Variants in PRIM2 observed in about 807,000 individuals in gnomAD.
PRIM2 encodes the protein DNA primase large subunit.
In PRIM2, 39 loss-of-function variants were observed where a neutral mutation model predicts 67.3. The ratio of observed to expected loss-of-function variants is 0.58; its 90% CI spans 0.45 to 0.76. The LOEUF (loss-of-function observed/expected upper bound fraction) is 0.76, where lower values mean the gene tolerates loss of function less well. PRIM2 is among the 30% of genes least tolerant of loss of function. PRIM2 has a pLI of 0.00. For synonymous variants in PRIM2, 143 were observed against 198.7 expected (o/e 0.72, Z 2.36); for missense variants, 398 against 598.7 (o/e 0.66, Z 3.50).
intron 7 of PRIM2, among the ~76,000 whole-genome samples, chr6:57,452,446 T>C (rs1450394531): frequency 6.6e-6 from 1 of 152,230 alleles, no homozygotes; most frequent in Non-Finnish European, 1.5e-5. Flanking sequence ...CCAGCATCTG[T>C]TGTCTCCTGA....
At chr6:57,345,474 A>ATGTGTGTGTGTGTGTGTGTGTG (rs754685184) in intron 5 of PRIM2, among the ~76,000 whole-genome samples, 4 of 124,592 alleles carry the variant, frequency 3.2e-5, no homozygotes, top group African/African-American at 1.3e-4. Flanking sequence ...ATATATATAT[A>ATGTGTGTGTGTGTGTGTGTGTG]TGTGTGTGTG....
At chr6:57,626,026 T>C (rs1776944047) in intron 12 of PRIM2, among the ~76,000 whole-genome samples, 2 of 152,246 alleles carry the variant, frequency 1.3e-5, no homozygotes, top group African/African-American at 2.4e-5. Flanking sequence ...TTTTGAAAGA[T>C]TGAGTTTTTT....
chr6:57,393,498 G>A (rs1012093190), intron 7 of PRIM2, among the ~76,000 whole-genome samples: 2 of 151,962 alleles, frequency 1.3e-5, no homozygotes, highest in Non-Finnish European at 2.9e-5. Context: ...CTTTTTGATG[G>A]AATTGTTTGT....
intron 5 of PRIM2, among the ~76,000 whole-genome samples, chr6:57,368,764 T>TG (rs1769451758): frequency 6.6e-6 from 1 of 152,216 alleles, no homozygotes; most frequent in African/African-American, 2.4e-5. Flanking sequence ...CAATGTGTGA[T>TG]GCAAAGATGA....
At chr6:57,529,289 G>A (rs1409798178) in intron 8 of PRIM2, among the ~76,000 whole-genome samples, 6 of 150,776 alleles carry the variant, frequency 4.0e-5, no homozygotes, top group African/African-American at 1.2e-4. Context: ...CAGCCTGGGC[G>A]ACAGACAGAG....
chr6:57,374,891 G>A (rs1191620480), intron 5 of PRIM2, among the ~76,000 whole-genome samples: 1 of 152,258 alleles, frequency 6.6e-6, no homozygotes, highest in Non-Finnish European at 1.5e-5. Context: ...CAGCTGGAAT[G>A]CTAGTGATTT....
rs1255835437 is a variant in PRIM2 at position 57,496,231 on chromosome 6, A to G, written c.694-11156A>G. The stretch of plus-strand genomic sequence containing the variant: ...TTTTAGATTACTTAATAAAGAATGT[A>G]TTTAAGTGTAGTGCAGAATAGATTA... On this transcript the variant is annotated intron_variant, in intron 7 of 13. Transcript: ENST00000615550. Among the ~76,000 whole-genome samples, 6 of 152,354 alleles carry G rather than the reference A, an allele frequency of 3.9e-5. No individual in the cohort carries two copies. The East Asian group carries it at 9.6e-4, about 24-fold the overall frequency.
chr6:57,256,573 T>C, the PRIM2 span, among the ~76,000 whole-genome samples: 10 of 152,192 alleles, frequency 6.6e-5, no homozygotes, highest in Middle Eastern at 3.4e-3. Flanking sequence ...TTATCTTTTC[T>C]AACAAAAGTA....
chr6:57,408,953 C>T (rs1300300122), intron 7 of PRIM2, among the ~76,000 whole-genome samples: 1 of 152,156 alleles, frequency 6.6e-6, no homozygotes, highest in Non-Finnish European at 1.5e-5. Context: ...ATCTCAGCCT[C>T]ATCTATGTTG....
At chr6:57,470,400 C>T (rs1773308140) in intron 7 of PRIM2, among the ~76,000 whole-genome samples, 1 of 91,554 alleles carries the variant, frequency 1.1e-5, no homozygotes, top group African/African-American at 4.3e-5. Context: ...GGCCTCTCCC[C>T]CTCTCCCCTC....
intron 7 of PRIM2, among the ~76,000 whole-genome samples, chr6:57,459,106 A>G: frequency 6.6e-6 from 1 of 152,218 alleles, no homozygotes; most frequent in Non-Finnish European, 1.5e-5. Flanking sequence ...AGTGTTAAGT[A>G]TGCTTGTTTT....
intron 8 of PRIM2, among the ~76,000 whole-genome samples, chr6:57,521,695 T>A (rs1162854879): frequency 2.1e-3 from 315 of 152,304 alleles, no homozygotes; most frequent in African/African-American, 7.2e-3. Context: ...TTTATTCTAG[T>A]TTAAAAAATA....
intron 13 of PRIM2, among the ~76,000 whole-genome samples, chr6:57,639,568 A>G (rs2127501239): frequency 6.8e-6 from 1 of 146,720 alleles, no homozygotes; most frequent in South Asian, 2.2e-4. Flanking sequence ...GATAAAGGGG[A>G]TATCACCACT....
intron 7 of PRIM2, among the ~76,000 whole-genome samples, chr6:57,495,347 A>G (rs1320014550): frequency 6.6e-6 from 1 of 152,232 alleles, no homozygotes; most frequent in African/African-American, 2.4e-5. Flanking sequence ...TCTATATTTT[A>G]AAACATTTTC....
chr6:57,300,759 A>C, the PRIM2 span, among the ~76,000 whole-genome samples: 3 of 152,124 alleles, frequency 2.0e-5, no homozygotes, highest in South Asian at 6.2e-4. Context: ...GCAGTGGCTC[A>C]CACCTGTAAT....
At chr6:57,590,498 G>A (rs1776265815) in intron 10 of PRIM2, among the ~76,000 whole-genome samples, 2 of 152,128 alleles carry the variant, frequency 1.3e-5, no homozygotes, top group East Asian at 3.9e-4. Context: ...GGGGGTCAGT[G>A]GATGAAAAAT....
intron 13 of PRIM2, among the ~76,000 whole-genome samples, chr6:57,634,780 C>G (rs1413279980): frequency 1.3e-5 from 2 of 152,160 alleles, no homozygotes; most frequent in Non-Finnish European, 2.9e-5. Flanking sequence ...AGTATTGCCA[C>G]TATTGCCAAT....
chr6:57,607,490 C>T (rs1195197408), intron 12 of PRIM2, among the ~76,000 whole-genome samples: 1 of 152,086 alleles, frequency 6.6e-6, no homozygotes, highest in Non-Finnish European at 1.5e-5. Context: ...AAGAGATGCC[C>T]TTTGAATTAG....
At chr6:57,232,952 G>A in the PRIM2 span, among the ~76,000 whole-genome samples, 2 of 152,230 alleles carry the variant, frequency 1.3e-5, no homozygotes, top group African/African-American at 4.8e-5. Flanking sequence ...TTCCTAAAAA[G>A]CTGGCCACAG....
Sources: gnomAD v4.1 joint callset for allele counts (sites outside exome capture counted in the v4.1 genomes callset) on GRCh38, gnomAD v4.1.1 for gene constraint, MANE v1.5 for transcripts, NCBI Gene and HGNC (gene_info 2026-07-23, HGNC 2026-07-21) for gene names.